The following BICD2 variants were observed in gnomAD, a reference collection of about 807,000 sequenced individuals.
BICD2 encodes protein bicaudal D homolog 2.
BICD2 carries 25 observed loss-of-function variants against 72.9 expected under a neutral mutation model. The ratio of observed to expected loss-of-function variants is 0.34; its 90% CI spans 0.25 to 0.48. The LOEUF is 0.48. Ranked by LOEUF, BICD2 falls within the 20% of genes least tolerant of loss-of-function variation. The pLI is 0.99. For synonymous variants in BICD2, 501 were observed against 516.1 expected (o/e 0.97, Z 0.40); for missense variants, 894 against 1,175.2 (o/e 0.76, Z 3.50).
At chr9:92,763,172 GC>G (rs1407568566) in intron 1 of BICD2, among the ~76,000 whole-genome samples, 3 of 152,204 alleles carry the variant, frequency 2.0e-5, no homozygotes, top group Admixed American at 6.5e-5. Flanking sequence ...TACTAACTGA[GC>G]ACCTGCTCTG....
Position 92,713,000 on chromosome 9 carries a change from C to A in BICD2, c.*2154G>T, listed in dbSNP as rs1013533566. 6 of 171,752 alleles carry A rather than the reference C, an allele frequency of 3.5e-5. No individual in the cohort carries two copies. Among genetic ancestry groups the A allele is most frequent in the Non-Finnish European group, 7.6e-5 (6 of 78,984 alleles). The allele number at this position is 171,752 out of a possible 1,614,324, so 10.6% of individuals were successfully genotyped here. A position where few individuals can be genotyped will look rare whatever the true frequency, so the allele number is the denominator to read the frequency against. On this transcript the variant is annotated 3_prime_UTR_variant, in exon 7 of 7. Coordinates refer to ENST00000356884, the MANE Select transcript of BICD2 (RefSeq NM_001003800.2). ...GCCTCGTGCTGACACCAGACAAACA[C>A]GGTGGGAGCTGAGGCGGACAGCTAC...
At chr9:92,754,785 T>C (rs1854222060) in intron 1 of BICD2, among the ~76,000 whole-genome samples, 1 of 152,262 alleles carries the variant, frequency 6.6e-6, no homozygotes. Flanking sequence ...ACCCTTGTGA[T>C]TTCCTATGCC....
chr9:92,724,086 C>T (rs996399984), intron 2 of BICD2, among the ~76,000 whole-genome samples: 2 of 152,222 alleles, frequency 1.3e-5, no homozygotes, highest in Non-Finnish European at 2.9e-5. Context: ...ACCCAGCTGC[C>T]TCCCTGTGTA....
chr9:92,755,184 CCA>C (rs2131533745), intron 1 of BICD2, among the ~76,000 whole-genome samples: 1 of 152,320 alleles, frequency 6.6e-6, no homozygotes, highest in African/African-American at 2.4e-5. Flanking sequence ...GAGATAGACT[CCA>C]GTTTCCCATA....
chr9:92,730,271 AAG>A (rs1162811803), intron 1 of BICD2, among the ~76,000 whole-genome samples: 3 of 152,220 alleles, frequency 2.0e-5, no homozygotes, highest in Non-Finnish European at 4.4e-5. Flanking sequence ...AAACAAGATC[AAG>A]AGAGAGGTGA....
Position 92,720,257 on chromosome 9 carries a change from CTGGA to C in BICD2, c.1062+39_1062+42del. On this transcript the variant is annotated intron_variant, in intron 4 of 6. Transcript: ENST00000356884. This position sits in a 1 kb window ranked among gnomAD's most constrained non-coding sequence, Gnocchi z 5.4. ...GCACTGCTCGGGGAGCCCTGCAGAC[CTGGA>C]GTGGGGACAGCGTGCCGAAGGCCCC... 6.4e-7 allele frequency: 1 copy of C among 1,562,064 alleles called. No individual in the cohort carries two copies. The highest frequency in any genetic ancestry group is 1.2e-5 in the South Asian group (1 of 83,166).
Position 92,733,303 on chromosome 9 carries a change from C to T in BICD2, c.241-4067G>A, listed in dbSNP as rs558985943. On this transcript the variant is annotated intron_variant, in intron 1 of 6. Transcript: ENST00000356884. Reference sequence around the variant, plus strand: ...TTGTAATCCCAGCACTTTGGAAGGTCGAGGCGGGCAGATCACGAGGTCAGG... The same window carrying T: ...TTGTAATCCCAGCACTTTGGAAGGTTGAGGCGGGCAGATCACGAGGTCAGG... 5.9e-5 allele frequency among the ~76,000 whole-genome samples: 9 copies of T among 152,040 alleles called. 1 individual carries two copies. The South Asian group carries it at 8.3e-4, about 14-fold the overall frequency.
At chr9:92,732,975 CTTTT>C in intron 1 of BICD2, among the ~76,000 whole-genome samples, 1 of 152,212 alleles carries the variant, frequency 6.6e-6, no homozygotes, top group Non-Finnish European at 1.5e-5. Flanking sequence ...ATTCCAAAGC[CTTTT>C]TAGCAGAAAT....
intron 2 of BICD2, among the ~76,000 whole-genome samples, chr9:92,724,946 G>A (rs751333194): frequency 2.6e-5 from 4 of 152,164 alleles, no homozygotes; most frequent in East Asian, 1.9e-4. Flanking sequence ...CCACCCAGCC[G>A]GCTCCTCAGG....
intron 1 of BICD2, among the ~76,000 whole-genome samples, chr9:92,748,196 G>C (rs920417211): frequency 2.0e-4 from 31 of 152,182 alleles, no homozygotes; most frequent in Admixed American, 2.0e-3. Flanking sequence ...GCTTGCCCCT[G>C]TCCTGGGTCT....
intron 1 of BICD2, among the ~76,000 whole-genome samples, chr9:92,741,191 G>A (rs1040387498): frequency 5.9e-5 from 9 of 152,146 alleles, no homozygotes; most frequent in Non-Finnish European, 8.8e-5. Flanking sequence ...TTATCTGCTG[G>A]TTTCAACAGA....
chr9:92,742,784 A>G (rs1853924222), intron 1 of BICD2, among the ~76,000 whole-genome samples: 1 of 152,060 alleles, frequency 6.6e-6, no homozygotes, highest in South Asian at 2.1e-4. Flanking sequence ...TCTATTTTCC[A>G]TCTCTATGAA....
Position 92,714,713 on chromosome 9 carries a change from G to T in BICD2, c.*441C>A, listed in dbSNP as rs924611529. The T allele has an allele frequency of 1.4e-5, 14 of 993,888 alleles. No homozygotes were observed. The highest frequency in any genetic ancestry group is 4.6e-5 in the South Asian group (1 of 21,516). 61.6% of individuals were successfully genotyped at this position (993,888 alleles called of 1,614,324 possible). A position where few individuals can be genotyped will look rare whatever the true frequency, so the allele number is the denominator to read the frequency against. On this transcript the variant is annotated 3_prime_UTR_variant, in exon 7 of 7. Coordinates refer to ENST00000356884, the MANE Select transcript of BICD2 (RefSeq NM_001003800.2). ...GAGGTCGTACCTATGCTGCAGGCTG[G>T]AACCTCCTAAAACTGCTTTCTAGTG...
chr9:92,740,317 TAA>T (rs1853875105), intron 1 of BICD2, among the ~76,000 whole-genome samples: 1 of 152,118 alleles, frequency 6.6e-6, no homozygotes, highest in Admixed American at 6.6e-5. Flanking sequence ...GTATTTCACA[TAA>T]GTTTTCTGTA....
rs1853270692 is a variant in BICD2, at chr9:92,714,925, T to C, written c.*229A>G. ...TCTATCCCCACCTCTGACCCCCACC[T>C]AAGAGAGCAGCTGAGGACTGGGTGC... On this transcript the variant is annotated 3_prime_UTR_variant, in exon 7 of 7. Coordinates refer to ENST00000356884, the MANE Select transcript of BICD2 (RefSeq NM_001003800.2). The C allele has an allele frequency of 1.0e-5, 14 of 1,359,564 alleles. No individual in the cohort carries two copies. Among genetic ancestry groups the C allele is most frequent in the African/African-American group, 4.4e-5 (3 of 67,594 alleles). The allele number at this position is 1,359,564 out of a possible 1,614,324, so 84.2% of individuals were successfully genotyped here.
chr9:92,727,720 C>T (rs1388215078), intron 2 of BICD2, among the ~76,000 whole-genome samples: 3 of 152,180 alleles, frequency 2.0e-5, no homozygotes, highest in East Asian at 1.9e-4. Flanking sequence ...CCAAGACAGT[C>T]GTCTCAGCCT....
intron 5 of BICD2, 77 bp downstream of exon 5, chr9:92,718,462 G>T: frequency 6.6e-7 from 1 of 1,517,636 alleles, no homozygotes. Flanking sequence ...CCGTGGCAGG[G>T]GGAGGAAGGA....
chr9:92,729,015 C>A lies in BICD2; in HGVS notation c.453+9G>T, dbSNP rs202189685. On this transcript the variant is annotated intron_variant, in intron 2 of 6. Coordinates refer to ENST00000356884, the MANE Select transcript of BICD2 (RefSeq NM_001003800.2). ...CAGCCACAGACTAGGCCCCTCCTCA[C>A]CCCCTCACCTCCTTCAGCTCCTGGG... The A allele has an allele frequency of 6.3e-5, 101 of 1,613,146 alleles. No individual in the cohort carries two copies. The highest frequency in any genetic ancestry group is 6.0e-4 in the East Asian group (27 of 44,868).
intron 1 of BICD2, among the ~76,000 whole-genome samples, chr9:92,735,282 C>A (rs2131515531): frequency 6.6e-6 from 1 of 152,268 alleles, no homozygotes; most frequent in East Asian, 1.9e-4. Context: ...GGACCAGACA[C>A]CATTAGGGAG....
Sources: allele counts gnomAD v4.1 joint callset (sites outside exome capture counted in the v4.1 genomes callset), GRCh38; gene constraint gnomAD v4.1.1; non-coding constraint Gnocchi (gnomAD v3.1); transcripts MANE v1.5; gene names NCBI Gene and HGNC (gene_info 2026-07-23, HGNC 2026-07-21).